CALCR: variants seen among roughly 807,000 people sequenced by gnomAD.
CALCR encodes calcitonin receptor.
Under a neutral mutation model 59.5 loss-of-function variants are expected in CALCR, and 47 were observed. The observed-to-expected ratio is 0.79, with a 90% CI of 0.63 to 1.01. The LOEUF is 1.01. Among genes scored for constraint, CALCR ranks in the 50% least tolerant of loss-of-function variants. The pLI, the probability that CALCR is intolerant of heterozygous loss-of-function variation, is 0.00. For missense variants in CALCR, 566 were observed against 597.1 expected, an observed-to-expected ratio of 0.95 and a Z score of 0.54; for synonymous variants, 213 against 211.3, an observed-to-expected ratio of 1.01 and a Z score of -0.07.
intron 2 of CALCR, among the ~76,000 whole-genome samples, chr7:93,536,516 C>G (rs1788990717): frequency 6.7e-6 from 1 of 149,774 alleles, no homozygotes; most frequent in African/African-American, 2.4e-5. Context: ...TTTTCTTTTC[C>G]CCCAAGAGGA....
intron 2 of CALCR, among the ~76,000 whole-genome samples, chr7:93,548,346 A>G (rs995515937): frequency 6.6e-5 from 10 of 152,154 alleles, no homozygotes; most frequent in Admixed American, 3.9e-4. Context: ...AGCTTTGTGC[A>G]AGTCTGGTGG....
chr7:93,566,303 C>T (rs1231379237), intron 2 of CALCR, among the ~76,000 whole-genome samples: 4 of 151,880 alleles, frequency 2.6e-5, no homozygotes. Flanking sequence ...GGAATGTAAA[C>T]TTAATATGAA....
intron 2 of CALCR, among the ~76,000 whole-genome samples, chr7:93,528,142 C>T (rs1788719991): frequency 6.6e-6 from 1 of 152,150 alleles, no homozygotes; most frequent in Non-Finnish European, 1.5e-5. Context: ...ATTTCGTACA[C>T]TTCTAACAAA....
intron 3 of CALCR, among the ~76,000 whole-genome samples, chr7:93,479,731 T>C (rs946428379): frequency 7.1e-6 from 1 of 140,100 alleles, no homozygotes; most frequent in Non-Finnish European, 1.5e-5. Context: ...TTCCATTTAC[T>C]ATTGAAAATG....
intron 2 of CALCR, among the ~76,000 whole-genome samples, chr7:93,517,828 C>G (rs934203560): frequency 2.0e-5 from 3 of 151,714 alleles, no homozygotes; most frequent in African/African-American, 7.3e-5. Flanking sequence ...ACAAGGAGAA[C>G]TTTGAAAGAG....
intron 2 of CALCR, among the ~76,000 whole-genome samples, chr7:93,528,787 T>C (rs1050694260): frequency 1.3e-5 from 2 of 152,162 alleles, no homozygotes; most frequent in Non-Finnish European, 2.9e-5. Context: ...AATACTAATA[T>C]TCTATTTGAC....
chr7:93,519,591 A>G (rs1801717048), intron 2 of CALCR, among the ~76,000 whole-genome samples: 1 of 152,094 alleles, frequency 6.6e-6, no homozygotes, highest in Admixed American at 6.6e-5. Flanking sequence ...TTATTATTAA[A>G]ATACCTTTGA....
intron 2 of CALCR, among the ~76,000 whole-genome samples, chr7:93,496,227 T>A (rs1259525720): frequency 6.6e-6 from 1 of 151,448 alleles, no homozygotes; most frequent in Non-Finnish European, 1.5e-5. Flanking sequence ...GCCAAATAAG[T>A]TTAGGAAATT....
At chr7:93,468,450 T>G (rs1020416553) in intron 7 of CALCR, among the ~76,000 whole-genome samples, 1 of 151,780 alleles carries the variant, frequency 6.6e-6, no homozygotes, top group East Asian at 1.9e-4. Flanking sequence ...AGTATACTTA[T>G]GGATTCACAG....
intron 8 of CALCR, among the ~76,000 whole-genome samples, chr7:93,455,286 G>A (rs963432596): frequency 4.6e-5 from 7 of 151,748 alleles, no homozygotes; most frequent in Non-Finnish European, 8.8e-5. Context: ...TGATAGATAC[G>A]CTTTTCTTTA....
At chr7:93,560,516 T>C (rs920077385) in intron 2 of CALCR, among the ~76,000 whole-genome samples, 2 of 152,118 alleles carry the variant, frequency 1.3e-5, no homozygotes, top group African/African-American at 4.8e-5. Context: ...TTATGCACTG[T>C]AGGATCCTAC....
In CALCR at chr7:93,434,293, C is replaced by A; in HGVS notation, c.1151G>T (p.Gly384Val). 1 of 1,608,028 alleles carries A rather than the reference C, an allele frequency of 6.2e-7. No homozygotes were observed. The highest frequency in any genetic ancestry group is 8.5e-7 in the Non-Finnish European group (1 of 1,175,300). The stretch of plus-strand genomic sequence containing the variant: ...GCAGTAGATGGTCGCAACAAAGAAG[C>A]CCTAAAAAGGGAAGGAAAAATACAG... ...YVMHSLIHFQ[G>V]FFVATIYCFC... Residue 384 changes from glycine to valine, a missense_variant and splice_region_variant, in exon 13 of 14, where the codon GGC becomes GTC. Transcript: ENST00000426151.
chr7:93,447,035 A>G (rs1800017999), intron 8 of CALCR, among the ~76,000 whole-genome samples: 1 of 152,028 alleles, frequency 6.6e-6, no homozygotes, highest in East Asian at 1.9e-4. Context: ...TTTGGCTTCA[A>G]TGAGTCATAT....
intron 3 of CALCR, among the ~76,000 whole-genome samples, chr7:93,483,438 TA>T (rs1800848563): frequency 7.2e-6 from 1 of 138,814 alleles, no homozygotes; most frequent in Non-Finnish European, 1.5e-5. Flanking sequence ...GATAGATAGA[TA>T]GATAGATAGA....
intron 5 of CALCR, 42 bp from the exon 6 acceptor site, chr7:93,472,529 A>G: frequency 9.0e-7 from 1 of 1,115,138 alleles, no homozygotes; most frequent in Admixed American, 1.8e-5. Flanking sequence ...ATATCTCAAA[A>G]TCCCAACAAG....
chr7:93,526,956 A>G (rs1788669715), intron 2 of CALCR, among the ~76,000 whole-genome samples: 1 of 152,106 alleles, frequency 6.6e-6, no homozygotes, highest in African/African-American at 2.4e-5. Flanking sequence ...AGTGAACCAA[A>G]TTGTTCCAAA....
At chr7:93,506,330 G>A (rs1363471453) in intron 2 of CALCR, among the ~76,000 whole-genome samples, 2 of 152,070 alleles carry the variant, frequency 1.3e-5, no homozygotes, top group African/African-American at 4.8e-5. Context: ...TTAGGACATT[G>A]TTTTTATTAA....
chr7:93,426,939 A>T (rs1025024221), intron 13 of CALCR, among the ~76,000 whole-genome samples: 5 of 152,236 alleles, frequency 3.3e-5, no homozygotes, highest in Non-Finnish European at 7.3e-5. Flanking sequence ...AACTTTTTAT[A>T]TGCTACCATC....
chr7:93,480,645 T>C (rs760986353), intron 3 of CALCR, among the ~76,000 whole-genome samples: 4 of 151,620 alleles, frequency 2.6e-5, no homozygotes, highest in African/African-American at 4.8e-5. Flanking sequence ...ATGTGTGTCA[T>C]TGTATATGTC....
Sources: gnomAD v4.1 joint callset for allele counts (sites outside exome capture counted in the v4.1 genomes callset) on GRCh38, gnomAD v4.1.1 for gene constraint, MANE v1.5 for transcripts, NCBI Gene and HGNC (gene_info 2026-07-23, HGNC 2026-07-21) for gene names.